DTD1: variants seen among roughly 807,000 people sequenced by gnomAD.
DTD1 encodes D-tyrosyl-tRNA deacylase 1 homolog.
Under a neutral mutation model 25.6 loss-of-function variants are expected in DTD1, and 13 were observed. The observed-to-expected ratio is 0.51, with a 90% confidence interval of 0.33 to 0.81. The LOEUF (loss-of-function observed/expected upper bound fraction) is 0.81, where lower values mean the gene tolerates loss of function less well. Ranked by LOEUF, DTD1 falls within the 30% of genes least tolerant of loss-of-function variation. The pLI is 0.02. For synonymous variants in DTD1, 110 were observed against 103.6 expected (o/e 1.06, Z -0.37); for missense variants, 193 against 266.4 (o/e 0.72, Z 1.92).
At chr20:18,721,908 C>T (rs933068470) in intron 4 of DTD1, among the ~76,000 whole-genome samples, 6 of 152,116 alleles carry the variant, frequency 3.9e-5, no homozygotes, top group African/African-American at 1.4e-4. Context: ...GGGTCACACC[C>T]GGGTCTGTGC....
intron 3 of DTD1, among the ~76,000 whole-genome samples, chr20:18,609,367 G>A (rs1025207195): frequency 2.7e-4 from 41 of 151,594 alleles, no homozygotes; most frequent in African/African-American, 9.5e-4. Flanking sequence ...GCCAAGTCTG[G>A]TCTTGAACTC....
At chr20:18,688,850 G>A (rs2061028954) in intron 4 of DTD1, among the ~76,000 whole-genome samples, 1 of 152,118 alleles carries the variant, frequency 6.6e-6, no homozygotes, top group Non-Finnish European at 1.5e-5. Flanking sequence ...GAAGCAGGAA[G>A]TCCTTGCTCT....
At chr20:18,611,231 A>G (rs2060685556) in intron 3 of DTD1, 1 of 152,208 alleles carries the variant, frequency 6.6e-6, no homozygotes, top group South Asian at 2.1e-4. Flanking sequence ...TCCTACAATT[A>G]TATCAACAGT....
chr20:18,669,937 TCTGA>T (rs1163522411), intron 4 of DTD1, among the ~76,000 whole-genome samples: 2 of 152,210 alleles, frequency 1.3e-5, no homozygotes, highest in South Asian at 2.1e-4. Flanking sequence ...CATTCCTGTC[TCTGA>T]CTGCTTCCCT....
At chr20:18,731,015 G>A (rs949622674) in intron 4 of DTD1, among the ~76,000 whole-genome samples, 1 of 152,148 alleles carries the variant, frequency 6.6e-6, no homozygotes, top group African/African-American at 2.4e-5. Context: ...GTTTGTCAGT[G>A]TCTTAGCGTC....
At chr20:18,708,243 TAATATATATTATA>T (rs1344526980) in intron 4 of DTD1, among the ~76,000 whole-genome samples, 9 of 20,306 alleles carry the variant, frequency 4.4e-4, no homozygotes, top group African/African-American at 2.5e-3. Context: ...TATATATATA[TAATATATATTATA>T]TATATATTTT....
At chr20:18,667,981 G>C (rs2060938159) in intron 4 of DTD1, among the ~76,000 whole-genome samples, 1 of 152,200 alleles carries the variant, frequency 6.6e-6, no homozygotes, top group South Asian at 2.1e-4. Flanking sequence ...CAGGGCAGTC[G>C]TTAAACTGTC....
chr20:18,707,441 T>C (rs971618221), intron 4 of DTD1, among the ~76,000 whole-genome samples: 1 of 152,194 alleles, frequency 6.6e-6, no homozygotes, highest in Non-Finnish European at 1.5e-5. Flanking sequence ...CACTCATATA[T>C]GCACCTGGTC....
At chr20:18,673,523 G>C (rs770437007) in intron 4 of DTD1, among the ~76,000 whole-genome samples, 2 of 152,128 alleles carry the variant, frequency 1.3e-5, no homozygotes, top group Non-Finnish European at 2.9e-5. Flanking sequence ...AATGGTGTCT[G>C]TCTCAGTTGA....
In DTD1 at chr20:18,653,461, A is replaced by T. The variant is rs150313510; in HGVS notation, c.477+25228A>T. On this transcript the variant is annotated intron_variant, in intron 4 of 5. Coordinates refer to ENST00000377452, the MANE Select transcript of DTD1 (RefSeq NM_080820.6). ...AAATATTAGTCTAAAGTATGCTAAT[A>T]TGTGAAAGTAATATGTTGATTTTTG... 9.2e-5 allele frequency among the ~76,000 whole-genome samples: 14 copies of T among 152,376 alleles called. No individual in the cohort carries two copies. In the East Asian group the frequency reaches 2.7e-3, roughly 29 times the overall value.
intron 5 of DTD1, among the ~76,000 whole-genome samples, chr20:18,761,951 T>A (rs547106014): frequency 6.6e-6 from 1 of 152,350 alleles, no homozygotes; most frequent in Admixed American, 6.5e-5. Context: ...TAGAAAACTC[T>A]TAGGAAGGTG....
intron 4 of DTD1, among the ~76,000 whole-genome samples, chr20:18,633,775 C>G (rs901096643): frequency 6.6e-6 from 1 of 152,208 alleles, no homozygotes; most frequent in African/African-American, 2.4e-5. Flanking sequence ...AATCTCAGAG[C>G]TCTACTTATG....
intron 3 of DTD1, among the ~76,000 whole-genome samples, chr20:18,596,642 A>T (rs1034174761): frequency 3.3e-5 from 5 of 152,216 alleles, no homozygotes; most frequent in African/African-American, 9.6e-5. Context: ...AAATTAATTT[A>T]AAAAATATAT....
intron 4 of DTD1, among the ~76,000 whole-genome samples, chr20:18,726,384 C>T (rs953224571): frequency 3.3e-5 from 5 of 152,164 alleles, no homozygotes; most frequent in African/African-American, 1.2e-4. Context: ...TACCTTAATT[C>T]TCATCATGAA....
At chr20:18,615,174 C>A (rs6081246) in intron 3 of DTD1, among the ~76,000 whole-genome samples, 6 of 151,824 alleles carry the variant, frequency 4.0e-5, no homozygotes, top group African/African-American at 9.7e-5. Context: ...CAGCCTACCC[C>A]GATTCAAGGG....
chr20:18,709,507 G>T lies in DTD1; in HGVS notation c.478-34593G>T, dbSNP rs537538653. Among the ~76,000 whole-genome samples the T allele has an allele frequency of 5.9e-5, 9 of 152,258 alleles. No homozygotes were observed. The South Asian group carries it at 1.9e-3, about 32-fold the overall frequency. ...ATCTACCTGGCTCCTAAAGGTGCAG[G>T]TCATGGCTATGTCTGAGACTGGCAA... On this transcript the variant is annotated intron_variant, in intron 4 of 5. Transcript: ENST00000377452.
chr20:18,692,165 C>T (rs1284018750), intron 4 of DTD1: 2 of 152,328 alleles, frequency 1.3e-5, no homozygotes, highest in Admixed American at 6.5e-5. Context: ...GTTTATTCTT[C>T]ACTTTAGTGT....
chr20:18,719,497 T>C (rs1478565855), intron 4 of DTD1, among the ~76,000 whole-genome samples: 1 of 152,198 alleles, frequency 6.6e-6, no homozygotes, highest in Non-Finnish European at 1.5e-5. Flanking sequence ...TGAAATGGGA[T>C]TAGTAGAATG....
chr20:18,591,999 T>C (rs1180492962), intron 1 of DTD1, among the ~76,000 whole-genome samples: 1 of 152,222 alleles, frequency 6.6e-6, no homozygotes, highest in East Asian at 1.9e-4. Context: ...ATTACTGATA[T>C]TTCAGGAATG....
Sources: gnomAD v4.1 joint callset for allele counts (sites outside exome capture counted in the v4.1 genomes callset) on GRCh38, gnomAD v4.1.1 for gene constraint, MANE v1.5 for transcripts, NCBI Gene and HGNC (gene_info 2026-07-23, HGNC 2026-07-21) for gene names.